The following ADIPOR1 variants were observed in gnomAD, a reference collection of about 807,000 sequenced individuals.
ADIPOR1 encodes adiponectin receptor protein 1.
ADIPOR1 carries 15 observed loss-of-function variants against 37.5 expected under a neutral mutation model. The observed-to-expected ratio is 0.40, with a 90% CI of 0.27 to 0.62. The LOEUF (loss-of-function observed/expected upper bound fraction) is 0.62. Among genes scored for constraint, ADIPOR1 ranks in the 20% least tolerant of loss-of-function variants. The probability of loss-of-function intolerance (pLI) is 0.42; values close to 1 mark genes in which losing one functional copy is unlikely to be tolerated. For synonymous variants in ADIPOR1, 173 were observed against 173.2 expected (o/e 1.00, Z 0.01); for missense variants, 286 against 478.0 (o/e 0.60, Z 3.75).
chr1:202,941,790 TC>T lies in ADIPOR1; in HGVS notation c.1000-90del. On this transcript the variant is annotated intron_variant, in intron 7 of 7. Transcript: ENST00000340990. ...GAAAGCATTTGCTTCTTCTAGTTTA[TC>T]CTTAATTAAACAAATTTGTTAATAA... The T allele has an allele frequency of 8.7e-6, 13 of 1,495,696 alleles. No homozygotes were observed. The South Asian group carries it at 1.7e-4, about 19-fold the overall frequency. 92.7% of individuals were successfully genotyped at this position (1,495,696 alleles called of 1,614,324 possible).
intron 6 of ADIPOR1, among the ~76,000 whole-genome samples, chr1:202,942,871 C>CTTT (rs10682231): frequency 2.7e-4 from 31 of 116,812 alleles, no homozygotes; most frequent in Non-Finnish European, 4.3e-4. Flanking sequence ...TTCTTTCTTT[C>CTTT]TTTTTTTTTT....
intron 3 of ADIPOR1, 57 bp downstream of exon 3, chr1:202,948,247 C>T: frequency 1.5e-6 from 2 of 1,374,132 alleles, no homozygotes; most frequent in Non-Finnish European, 1.0e-6. Context: ...TGGCTGGGGA[C>T]ATCCCAGACA....
At chr1:202,956,017 C>G (rs1161563659) in intron 1 of ADIPOR1, among the ~76,000 whole-genome samples, 1 of 152,084 alleles carries the variant, frequency 6.6e-6, no homozygotes, top group Non-Finnish European at 1.5e-5. Flanking sequence ...CTCAGGTGAT[C>G]CACTCGCCTC....
rs375169899 is a variant in ADIPOR1 at position 202,956,507 on chromosome 1, C to A, written c.-95+1678G>T. On this transcript the variant is annotated intron_variant, in intron 1 of 7. Transcript: ENST00000340990. The stretch of plus-strand genomic sequence containing the variant: ...TCAGAGGGTTGAAATGGTTGTTGGC[C>A]TCTAAATGGGGGAAATAACTTTCCT... Among the ~76,000 whole-genome samples, 11 of 152,186 alleles carry A rather than the reference C, an allele frequency of 7.2e-5. No homozygotes were observed. In the East Asian group the frequency reaches 2.1e-3, roughly 29 times the overall value.
chr1:202,956,888 C>T (rs1347504287), intron 1 of ADIPOR1, among the ~76,000 whole-genome samples: 1 of 152,172 alleles, frequency 6.6e-6, no homozygotes, highest in Non-Finnish European at 1.5e-5. Flanking sequence ...GAGATTCTCT[C>T]CTACCTGCAG....
intron 4 of ADIPOR1, among the ~76,000 whole-genome samples, chr1:202,946,094 C>G (rs1419516642): frequency 6.6e-6 from 1 of 150,484 alleles, no homozygotes; most frequent in Admixed American, 6.7e-5. Context: ...AAGAAAGTGG[C>G]ACTGGTCACA....
At chr1:202,955,120 C>T (rs1654729045) in intron 1 of ADIPOR1, among the ~76,000 whole-genome samples, 1 of 152,154 alleles carries the variant, frequency 6.6e-6, no homozygotes, top group African/African-American at 2.4e-5. Flanking sequence ...TTGAAATCAC[C>T]GAACTACAGT....
At chr1:202,953,831 C>A (rs781358461) in intron 1 of ADIPOR1, among the ~76,000 whole-genome samples, 2 of 152,030 alleles carry the variant, frequency 1.3e-5, no homozygotes, top group South Asian at 4.1e-4. Context: ...GGGAGAGAAC[C>A]CCTCAACTAG....
chr1:202,951,240 T>A, intron 1 of ADIPOR1, 76 bp from the exon 2 acceptor site: 1 of 725,810 alleles, frequency 1.4e-6, no homozygotes, highest in Non-Finnish European at 2.2e-6. Context: ...TAATACTGAA[T>A]AAGAAGCTAA....
chr1:202,946,056 A>G (rs536526640), intron 4 of ADIPOR1, among the ~76,000 whole-genome samples: 136 of 148,604 alleles, frequency 9.2e-4, no homozygotes, highest in Non-Finnish European at 1.6e-3. Context: ...TATGAGGTTT[A>G]GCTGTGTAAT....
chr1:202,958,060 G>T (rs1314139734), intron 1 of ADIPOR1, 125 bp downstream of exon 1: 1 of 152,280 alleles, frequency 6.6e-6, no homozygotes, highest in African/African-American at 2.4e-5. Context: ...TGGGGCCCGA[G>T]CCCCCTGGCA....
chr1:202,947,617 T>TA (rs1379114839), intron 3 of ADIPOR1, among the ~76,000 whole-genome samples: 2 of 152,132 alleles, frequency 1.3e-5, no homozygotes, highest in East Asian at 3.8e-4. Flanking sequence ...AACGTTGTTT[T>TA]AAAAAACGTA....
chr1:202,947,528 T>TAC (rs1654385273), intron 3 of ADIPOR1, among the ~76,000 whole-genome samples: 1 of 151,668 alleles, frequency 6.6e-6, no homozygotes, highest in African/African-American at 2.4e-5. Flanking sequence ...AAAAAATATA[T>TAC]ATATATATAT....
intron 3 of ADIPOR1, 146 bp downstream of exon 3, chr1:202,948,158 T>C (rs757960720): frequency 2.2e-5 from 13 of 596,096 alleles, no homozygotes; most frequent in East Asian, 1.9e-4. Context: ...AGTCTTCACA[T>C]TGATTTACCT....
rs1160334516 is a variant in ADIPOR1 at position 202,948,369 on chromosome 1, G to A, written c.193C>T (p.Arg65Trp). Residue 65 changes from arginine to tryptophan, a missense_variant, in exon 3 of 8, where the codon CGG becomes TGG. Arg to Trp is a moderately radical substitution (Grantham distance 101). Transcript: ENST00000340990. ...GCTTGCAGGGGAAGTGTCAGTACCC[G>A]CACCTCCTCCTCTTCTTCCTGGGGC... ...PVPQEEEEEVRVLTLPLQAHH... is the reference protein window; with the variant it reads ...PVPQEEEEEVWVLTLPLQAHH... 1.9e-6 allele frequency: 3 copies of A among 1,613,622 alleles called. No homozygotes were observed. Among genetic ancestry groups the A allele is most frequent in the Non-Finnish European group, 2.5e-6 (3 of 1,179,902 alleles).
chr1:202,951,122 C>A lies in ADIPOR1; in HGVS notation c.-52G>T. ...CTTCAGCTTGGGGAAAGGTTGGGGT[C>A]TCTCAGCCCCAGGGGGCAGAGATCT... On this transcript the variant is annotated 5_prime_UTR_variant, in exon 2 of 8. Transcript: ENST00000340990. 4 of 1,609,412 alleles carry A rather than the reference C, an allele frequency of 2.5e-6. No homozygotes were observed. Among genetic ancestry groups the A allele is most frequent in the Non-Finnish European group, 2.5e-6 (3 of 1,176,540 alleles).
At chr1:202,956,782 A>G (rs1235689269) in intron 1 of ADIPOR1, among the ~76,000 whole-genome samples, 1 of 152,210 alleles carries the variant, frequency 6.6e-6, no homozygotes, top group Non-Finnish European at 1.5e-5. Context: ...CCAGACTTAA[A>G]AAACTGAAAA....
intron 6 of ADIPOR1, 142 bp downstream of exon 6, chr1:202,943,616 G>A (rs1334913341): frequency 4.5e-6 from 4 of 886,334 alleles, no homozygotes; most frequent in African/African-American, 3.4e-5. Context: ...CTTTGAAATT[G>A]ATGCTGTTTT....
chr1:202,957,975 G>T (rs563734013), intron 1 of ADIPOR1, among the ~76,000 whole-genome samples: 90 of 152,320 alleles, frequency 5.9e-4, no homozygotes, highest in African/African-American at 2.1e-3. Flanking sequence ...CCTCGGAGGC[G>T]GCGCGCAGTG....
Sources: gnomAD v4.1 joint callset for allele counts (sites outside exome capture counted in the v4.1 genomes callset) on GRCh38, gnomAD v4.1.1 for gene constraint, MANE v1.5 for transcripts, NCBI Gene and HGNC (gene_info 2026-07-23, HGNC 2026-07-21) for gene names.